The following RELN variants were observed in gnomAD, a reference collection of about 807,000 sequenced individuals.
RELN encodes the protein reelin.
In RELN, 108 loss-of-function variants were observed where a neutral mutation model predicts 427.6. That is an observed-to-expected ratio of 0.25 (90% CI 0.22 to 0.30). RELN has a LOEUF of 0.30. RELN is among the 10% of genes least tolerant of loss of function. RELN has a pLI of 1.00. For synonymous variants in RELN, 1,524 were observed against 1,513.4 expected (o/e 1.01, Z -0.16); for missense variants, 3,715 against 4,302.8 (o/e 0.86, Z 3.82).
chr7:103,925,716 T>C (rs1158637073), intron 1 of RELN, among the ~76,000 whole-genome samples: 1 of 152,188 alleles, frequency 6.6e-6, no homozygotes, highest in African/African-American at 2.4e-5. Context: ...TTAAAAGAAA[T>C]CATTTTGGGA....
At chr7:103,650,084 CTTT>C (rs5886262) in intron 16 of RELN, among the ~76,000 whole-genome samples, 187 bp downstream of exon 16, 33 of 144,476 alleles carry the variant, frequency 2.3e-4, no homozygotes, top group South Asian at 4.3e-4. Flanking sequence ...ACTTCACTGG[CTTT>C]TTTTTTTTTT....
chr7:103,497,955 A>G (rs769302751), intron 54 of RELN, 29 bp from the exon 55 acceptor site: 1 of 1,609,082 alleles, frequency 6.2e-7, no homozygotes, highest in South Asian at 1.1e-5. Context: ...TATCCATCAG[A>G]ATAATTCATT....
At chr7:103,893,386 C>T (rs1052133104) in intron 2 of RELN, among the ~76,000 whole-genome samples, 1 of 152,084 alleles carries the variant, frequency 6.6e-6, no homozygotes, top group African/African-American at 2.4e-5. Context: ...TTCCTTATTG[C>T]ATGAGAACTA....
intron 24 of RELN, among the ~76,000 whole-genome samples, chr7:103,596,918 A>G (rs986088179): frequency 5.3e-5 from 8 of 152,178 alleles, no homozygotes; most frequent in Non-Finnish European, 1.2e-4. Flanking sequence ...ATTGCTAATT[A>G]CACCAAGAGT....
At position 103,661,360 on chromosome 7, in the gene RELN, G is replaced by T. The variant is rs981845474; in HGVS notation, c.1441+16C>A. 2 of 1,613,346 alleles carry T rather than the reference G, an allele frequency of 1.2e-6. No individual in the cohort carries two copies. The highest frequency in any genetic ancestry group is 1.3e-5 in the African/African-American group (1 of 74,908). On this transcript the variant is annotated intron_variant, in intron 12 of 64. Coordinates refer to ENST00000428762, the MANE Select transcript of RELN (RefSeq NM_005045.4). The stretch of plus-strand genomic sequence containing the variant: ...ATTTGCCCCACGGTGAACAAAGTTT[G>T]TGAAAATGTACTTACCCATCACAAA...
At chr7:103,882,026 A>G (rs1322472978) in intron 2 of RELN, among the ~76,000 whole-genome samples, 1 of 152,224 alleles carries the variant, frequency 6.6e-6, no homozygotes, top group Admixed American at 6.5e-5. Flanking sequence ...CAACTAACCA[A>G]TGAATGAGCG....
intron 1 of RELN, among the ~76,000 whole-genome samples, chr7:103,921,369 C>A (rs1795613776): frequency 6.6e-6 from 1 of 152,124 alleles, no homozygotes; most frequent in African/African-American, 2.4e-5. Flanking sequence ...AGTCTTTATT[C>A]ATGGCTTTAC....
intron 1 of RELN, among the ~76,000 whole-genome samples, chr7:103,963,235 C>T (rs1796598916): frequency 6.6e-6 from 1 of 151,420 alleles, no homozygotes; most frequent in Non-Finnish European, 1.5e-5. Flanking sequence ...TCTGGACAAC[C>T]ACTTGCAATC....
intron 28 of RELN, among the ~76,000 whole-genome samples, chr7:103,588,969 G>T (rs1216540512): frequency 7.7e-6 from 1 of 129,542 alleles, no homozygotes; most frequent in East Asian, 2.6e-4. Context: ...TTTGTTTCAT[G>T]CATTTTTTTT....
chr7:103,984,614 T>C (rs1196160528), intron 1 of RELN, among the ~76,000 whole-genome samples: 1 of 152,114 alleles, frequency 6.6e-6, no homozygotes, highest in Non-Finnish European at 1.5e-5. Context: ...ATCAGTAAAA[T>C]ATGTATGAAA....
intron 58 of RELN, among the ~76,000 whole-genome samples, chr7:103,491,567 G>T (rs1255633501): frequency 2.0e-5 from 3 of 152,010 alleles, no homozygotes; most frequent in Non-Finnish European, 4.4e-5. Flanking sequence ...AGCTGCCTTA[G>T]CCTGTAATTC....
At chr7:103,556,724 C>G (rs1830531287) in intron 38 of RELN, among the ~76,000 whole-genome samples, 1 of 152,188 alleles carries the variant, frequency 6.6e-6, no homozygotes, top group Admixed American at 6.5e-5. Flanking sequence ...TGCCTCCCGC[C>G]ACGATTCTGA....
intron 8 of RELN, among the ~76,000 whole-genome samples, chr7:103,714,812 G>T (rs1297986989): frequency 6.6e-6 from 1 of 152,182 alleles, no homozygotes; most frequent in East Asian, 1.9e-4. Context: ...AATTGTGACT[G>T]AAAGGAGCCC....
At chr7:103,876,624 T>C (rs774634453) in intron 2 of RELN, among the ~76,000 whole-genome samples, 6 of 152,192 alleles carry the variant, frequency 3.9e-5, no homozygotes, top group Non-Finnish European at 8.8e-5. Context: ...TTGATTTTAT[T>C]TGCACTGTGT....
intron 20 of RELN, among the ~76,000 whole-genome samples, chr7:103,614,506 CT>C (rs1832035930): frequency 6.6e-6 from 1 of 152,204 alleles, no homozygotes; most frequent in Non-Finnish European, 1.5e-5. Flanking sequence ...CATCTTTCCT[CT>C]CTAGGGGGCA....
At chr7:103,842,259 TAA>T (rs889547579) in intron 2 of RELN, among the ~76,000 whole-genome samples, 1 of 133,968 alleles carries the variant, frequency 7.5e-6, no homozygotes, top group Non-Finnish European at 1.6e-5. Flanking sequence ...CATCAGTTAA[TAA>T]AAAAAAAAAA....
At chr7:103,644,283 G>C (rs1351417965) in intron 16 of RELN, among the ~76,000 whole-genome samples, 1 of 151,338 alleles carries the variant, frequency 6.6e-6, no homozygotes, top group East Asian at 1.9e-4. Context: ...ACCAGATAAA[G>C]AATTCAAAAT....
intron 8 of RELN, among the ~76,000 whole-genome samples, chr7:103,706,466 T>C (rs1834202622): frequency 6.6e-6 from 1 of 152,150 alleles, no homozygotes; most frequent in South Asian, 2.1e-4. Flanking sequence ...GCCCTGCTAT[T>C]AGTAGGCGTT....
intron 20 of RELN, among the ~76,000 whole-genome samples, chr7:103,617,572 G>GTA (rs1183615252): frequency 2.5e-4 from 38 of 149,686 alleles, no homozygotes; most frequent in Admixed American, 3.3e-4. Context: ...ATATATGTGT[G>GTA]TATATATATT....
Sources: allele counts gnomAD v4.1 joint callset (sites outside exome capture counted in the v4.1 genomes callset), GRCh38; gene constraint gnomAD v4.1.1; transcripts MANE v1.5; gene names NCBI Gene and HGNC (gene_info 2026-07-23, HGNC 2026-07-21).